The following ADGRB3 variants were observed in gnomAD, a reference collection of about 807,000 sequenced individuals.
The protein encoded by ADGRB3 is adhesion G protein-coupled receptor B3, also known as brain-specific angiogenesis inhibitor 3.
In ADGRB3, 37 loss-of-function variants were observed where a neutral mutation model predicts 193.4. The observed-to-expected ratio is 0.19, with a 90% CI of 0.15 to 0.25. The LOEUF (loss-of-function observed/expected upper bound fraction) is 0.25. ADGRB3 is among the 10% of genes least tolerant of loss of function. ADGRB3 has a pLI of 1.00. For missense variants in ADGRB3, 1,637 were observed against 1,852.9 expected, an observed-to-expected ratio of 0.88 and a Z score of 2.14; for synonymous variants, 690 against 644.2, an observed-to-expected ratio of 1.07 and a Z score of -1.08.
chr6:69,171,420 C>A (rs1021462725), intron 17 of ADGRB3, among the ~76,000 whole-genome samples: 1 of 152,194 alleles, frequency 6.6e-6, no homozygotes, highest in African/African-American at 2.4e-5. Flanking sequence ...AACTTCCATA[C>A]CCTTGTTCTT....
chr6:68,703,752 A>G (rs993800609), intron 3 of ADGRB3, among the ~76,000 whole-genome samples: 2 of 151,980 alleles, frequency 1.3e-5, no homozygotes, highest in African/African-American at 4.8e-5. Context: ...CCTCCTGAGT[A>G]GCTGGGATTA....
intron 17 of ADGRB3, among the ~76,000 whole-genome samples, chr6:69,094,278 A>T (rs1355731866): frequency 6.6e-6 from 1 of 152,204 alleles, no homozygotes; most frequent in African/African-American, 2.4e-5. Flanking sequence ...AGGAAATTTA[A>T]TTGGTGCATT....
At chr6:68,899,035 G>C (rs1338187714) in intron 3 of ADGRB3, among the ~76,000 whole-genome samples, 2 of 152,116 alleles carry the variant, frequency 1.3e-5, no homozygotes, top group African/African-American at 2.4e-5. Context: ...ATGGGCTTCA[G>C]TTAATAATAT....
At chr6:69,302,131 T>C (rs1225032495) in intron 20 of ADGRB3, among the ~76,000 whole-genome samples, 1 of 151,890 alleles carries the variant, frequency 6.6e-6, no homozygotes, top group Non-Finnish European at 1.5e-5. Flanking sequence ...AGGTTTTTAA[T>C]GTAGATGAAA....
chr6:69,110,205 C>G (rs1472523680), intron 17 of ADGRB3, among the ~76,000 whole-genome samples: 1 of 152,084 alleles, frequency 6.6e-6, no homozygotes, highest in Admixed American at 6.6e-5. Flanking sequence ...CTCAGTGTCC[C>G]AAAGTGCTGG....
chr6:68,710,256 T>A (rs1418041115), intron 3 of ADGRB3, among the ~76,000 whole-genome samples: 1 of 152,150 alleles, frequency 6.6e-6, no homozygotes, highest in Non-Finnish European at 1.5e-5. Flanking sequence ...CCTTTTTTTA[T>A]CTGGTTCTCT....
intron 26 of ADGRB3, among the ~76,000 whole-genome samples, chr6:69,353,526 T>C (rs1200087884): frequency 2.6e-5 from 4 of 151,850 alleles, no homozygotes; most frequent in African/African-American, 9.6e-5. Flanking sequence ...TAATCTCATT[T>C]TTCGTAATAT....
intron 5 of ADGRB3, among the ~76,000 whole-genome samples, chr6:68,941,847 ATATT>A (rs938922738): frequency 6.6e-6 from 1 of 151,208 alleles, no homozygotes; most frequent in African/African-American, 2.4e-5. Context: ...ACATATATGA[ATATT>A]TATATATGTG....
At chr6:69,048,370 A>G (rs779525986) in intron 14 of ADGRB3, 36 bp downstream of exon 14, 2 of 1,582,214 alleles carry the variant, frequency 1.3e-6, no homozygotes, top group Non-Finnish European at 1.7e-6. Flanking sequence ...TGAACAAGAC[A>G]TTTTTGATAA....
intron 26 of ADGRB3, 65 bp from the exon 27 acceptor site, chr6:69,354,168 C>A: frequency 8.4e-7 from 1 of 1,192,314 alleles, no homozygotes; most frequent in Non-Finnish European, 1.3e-6. Context: ...AGCTGATTGC[C>A]AAGATAGACA....
intron 30 of ADGRB3, among the ~76,000 whole-genome samples, chr6:69,376,620 C>T (rs1044099117): frequency 6.6e-6 from 1 of 152,100 alleles, no homozygotes; most frequent in South Asian, 2.1e-4. Context: ...TTTATATTAA[C>T]TCAATATCAC....
intron 3 of ADGRB3, among the ~76,000 whole-genome samples, chr6:68,688,842 A>T (rs1435542900): frequency 6.6e-6 from 1 of 152,172 alleles, no homozygotes; most frequent in Admixed American, 6.6e-5. Flanking sequence ...ACAGGACTTG[A>T]TTGGAATGGA....
At chr6:69,339,154 A>T in intron 25 of ADGRB3, 140 bp downstream of exon 25, 1 of 1,100,986 alleles carries the variant, frequency 9.1e-7, no homozygotes, top group Non-Finnish European at 1.3e-6. Flanking sequence ...AACTGTCTTT[A>T]TAGCTATTGT....
At chr6:68,926,977 C>G (rs1464640058) in intron 3 of ADGRB3, among the ~76,000 whole-genome samples, 3 of 152,042 alleles carry the variant, frequency 2.0e-5, no homozygotes, top group African/African-American at 4.8e-5. Flanking sequence ...TATCTGACTT[C>G]CAGAGCCTAT....
intron 20 of ADGRB3, among the ~76,000 whole-genome samples, chr6:69,295,351 C>A (rs927372826): frequency 8.5e-5 from 13 of 152,170 alleles, no homozygotes; most frequent in Non-Finnish European, 4.4e-5. Context: ...GCTGGTGGAA[C>A]TGAATCAAGG....
chr6:68,930,538 A>G (rs200524481), intron 3 of ADGRB3, 21 bp from the exon 4 acceptor site: 15 of 1,543,414 alleles, frequency 9.7e-6, no homozygotes, highest in Non-Finnish European at 1.3e-5. Flanking sequence ...AAGCTTTCAT[A>G]TACCTTTATT....
chr6:69,247,602 A>T (rs1233716644), intron 20 of ADGRB3, among the ~76,000 whole-genome samples: 1 of 152,196 alleles, frequency 6.6e-6, no homozygotes, highest in Non-Finnish European at 1.5e-5. Context: ...CTTTCATAGC[A>T]TGTGATACAT....
intron 3 of ADGRB3, among the ~76,000 whole-genome samples, chr6:68,692,892 C>T (rs1019729251): frequency 1.3e-5 from 2 of 151,052 alleles, no homozygotes; most frequent in Non-Finnish European, 3.0e-5. Flanking sequence ...TATTAGCTGG[C>T]TACACAAATG....
rs548806500 is a variant in ADGRB3, at chr6:68,795,681, A to G, written c.758-134878A>G. On this transcript the variant is annotated intron_variant, in intron 3 of 31. Coordinates refer to ENST00000370598, the MANE Select transcript of ADGRB3 (RefSeq NM_001704.3). ...AGCAGAAATTGTCAGAAGTCTTTGAAAAAAGGTTAAGCTAAGTAAGAAGTA... is the reference window on the plus strand; with the variant it reads ...AGCAGAAATTGTCAGAAGTCTTTGAGAAAAGGTTAAGCTAAGTAAGAAGTA... Among the ~76,000 whole-genome samples the G allele has an allele frequency of 1.3e-3, 204 of 152,234 alleles. 2 individuals carry two copies. The highest frequency in any genetic ancestry group is 4.5e-3 in the African/African-American group (187 of 41,556).
Sources: gnomAD v4.1 joint callset for allele counts (sites outside exome capture counted in the v4.1 genomes callset) on GRCh38, gnomAD v4.1.1 for gene constraint, MANE v1.5 for transcripts, NCBI Gene and HGNC (gene_info 2026-07-23, HGNC 2026-07-21) for gene names.